The following ATF2 variants were observed in gnomAD, a reference collection of about 807,000 sequenced individuals.
The protein encoded by ATF2 is cyclic AMP-dependent transcription factor ATF-2.
A neutral mutation model predicts 60.6 loss-of-function variants in ATF2; 24 were observed. That is an observed-to-expected ratio of 0.40 (90% CI 0.29 to 0.56). The LOEUF is 0.56. ATF2 is among the 20% of genes least tolerant of loss of function. ATF2 has a pLI of 0.54. For synonymous variants in ATF2, 206 were observed against 215.4 expected, an observed-to-expected ratio of 0.96 and a Z score of 0.38; for missense variants, 433 against 607.7, an observed-to-expected ratio of 0.71 and a Z score of 3.02.
chr2:175,150,532 A>AAG (rs1699242204), intron 2 of ATF2, among the ~76,000 whole-genome samples: 1 of 152,174 alleles, frequency 6.6e-6, no homozygotes, highest in Non-Finnish European at 1.5e-5. Context: ...AGGTATGTAT[A>AAG]AGGGACTGTA....
At chr2:175,089,403 C>A (rs1283719827) in intron 12 of ATF2, among the ~76,000 whole-genome samples, 1 of 152,118 alleles carries the variant, frequency 6.6e-6, no homozygotes, top group Admixed American at 6.6e-5. Context: ...ACTTGTTAAA[C>A]CTTGTATTAC....
At chr2:175,094,011 G>C (rs1314053188) in intron 11 of ATF2, among the ~76,000 whole-genome samples, 1 of 152,136 alleles carries the variant, frequency 6.6e-6, no homozygotes, top group African/African-American at 2.4e-5. Flanking sequence ...ATATTGTCTA[G>C]TGTATAAGAC....
chr2:175,105,704 T>C (rs1242623904), intron 10 of ATF2, among the ~76,000 whole-genome samples: 1 of 152,176 alleles, frequency 6.6e-6, no homozygotes, highest in Non-Finnish European at 1.5e-5. Context: ...CATAGCAATA[T>C]CTACTGTTTC....
intron 12 of ATF2, among the ~76,000 whole-genome samples, chr2:175,086,421 G>A (rs958675879): frequency 1.3e-5 from 2 of 152,142 alleles, no homozygotes; most frequent in Non-Finnish European, 2.9e-5. Context: ...GATTAGTTGA[G>A]CTGTACAGCC....
intron 10 of ATF2, among the ~76,000 whole-genome samples, chr2:175,108,919 A>G (rs1460158983): frequency 6.6e-6 from 1 of 152,128 alleles, no homozygotes; most frequent in East Asian, 1.9e-4. Flanking sequence ...ACTCAGGGTT[A>G]AATGGATTAA....
At chr2:175,167,904 A>G (rs1400259564) in intron 1 of ATF2, 146 bp downstream of exon 1, 5 of 375,362 alleles carry the variant, frequency 1.3e-5, no homozygotes, top group Non-Finnish European at 2.8e-5. Context: ...CAATCGCCCC[A>G]AGGGCTAAGG....
intron 1 of ATF2, among the ~76,000 whole-genome samples, chr2:175,160,342 A>C (rs966362435): frequency 1.3e-5 from 2 of 152,166 alleles, no homozygotes; most frequent in Non-Finnish European, 2.9e-5. Context: ...CTACGACTGC[A>C]CCACCACACT....
chr2:175,141,084 T>TACACACACAC (rs150440606), intron 2 of ATF2, among the ~76,000 whole-genome samples: 45 of 133,614 alleles, frequency 3.4e-4, no homozygotes, highest in South Asian at 2.9e-3. Flanking sequence ...TATATATGTA[T>TACACACACAC]ACACACACAC....
At chr2:175,118,421 T>TA in intron 5 of ATF2, 52 bp from the exon 6 acceptor site, 1 of 1,424,502 alleles carries the variant, frequency 7.0e-7, no homozygotes. Flanking sequence ...GTTAAGACTC[T>TA]AAAATATAGC....
At chr2:175,154,592 A>G (rs996852996) in intron 1 of ATF2, among the ~76,000 whole-genome samples, 5 of 152,098 alleles carry the variant, frequency 3.3e-5, no homozygotes, top group African/African-American at 1.2e-4. Context: ...TAATTGTGCT[A>G]TTTTTTCCTT....
At chr2:175,108,334 C>A (rs1255075479) in intron 10 of ATF2, among the ~76,000 whole-genome samples, 1 of 151,288 alleles carries the variant, frequency 6.6e-6, no homozygotes, top group Admixed American at 6.6e-5. Flanking sequence ...GGGGTCAACC[C>A]CCGCCCGGCC....
chr2:175,121,317 G>A, intron 5 of ATF2, 127 bp downstream of exon 5: 2 of 485,922 alleles, frequency 4.1e-6, no homozygotes, highest in Non-Finnish European at 3.4e-6. Context: ...AATACATGTT[G>A]CCAACATTTA....
Position 175,109,168 on chromosome 2 carries a change from T to TAAAA in ATF2, c.828+2396_828+2399dup, listed in dbSNP as rs66812318. On this transcript the variant is annotated intron_variant, in intron 10 of 13. Transcript: ENST00000264110. ...GTGAGAAACACCCAAGAATGATCAA[T>TAAAA]AAAAAAAAAAAAAAAAAAAAAAAAA... Among the ~76,000 whole-genome samples, 262 of 82,356 alleles carry TAAAA rather than the reference T, an allele frequency of 3.2e-3. 1 individual carries two copies. The highest frequency in any genetic ancestry group is 6.1e-3 in the East Asian group (13 of 2,146). 54.0% of individuals were successfully genotyped at this position (82,356 alleles called of 152,430 possible).
At chr2:175,149,516 C>T (rs1037019287) in intron 2 of ATF2, among the ~76,000 whole-genome samples, 1 of 152,100 alleles carries the variant, frequency 6.6e-6, no homozygotes, top group Non-Finnish European at 1.5e-5. Flanking sequence ...CATAAGAAAA[C>T]TGGCAAAAAA....
intron 10 of ATF2, among the ~76,000 whole-genome samples, chr2:175,106,890 G>A (rs771003875): frequency 3.9e-5 from 6 of 152,150 alleles, no homozygotes; most frequent in East Asian, 1.9e-4. Context: ...GGCCCGGTGC[G>A]GTGACTCTCA....
At chr2:175,084,572 C>G (rs867014154) in intron 12 of ATF2, among the ~76,000 whole-genome samples, 28 of 148,738 alleles carry the variant, frequency 1.9e-4, no homozygotes, top group Middle Eastern at 3.2e-3. Flanking sequence ...TACAGCACAC[C>G]AGCATGGCAC....
At chr2:175,142,686 A>G (rs1311504055) in intron 2 of ATF2, among the ~76,000 whole-genome samples, 1 of 66,986 alleles carries the variant, frequency 1.5e-5, no homozygotes, top group African/African-American at 7.9e-5. Context: ...CGCTGCCGAA[A>G]GAGAGAGAGA....
intron 1 of ATF2, among the ~76,000 whole-genome samples, chr2:175,167,303 G>T (rs1186246220): frequency 6.6e-6 from 1 of 151,648 alleles, no homozygotes; most frequent in Non-Finnish European, 1.5e-5. Flanking sequence ...CATACGCTCT[G>T]CTGTCCACCC....
intron 2 of ATF2, among the ~76,000 whole-genome samples, chr2:175,149,279 G>T (rs1373040107): frequency 2.0e-5 from 3 of 152,116 alleles, no homozygotes; most frequent in African/African-American, 7.2e-5. Flanking sequence ...ATTGTTAAAG[G>T]TGGGGGCGGG....
Sources: gnomAD v4.1 joint callset for allele counts (sites outside exome capture counted in the v4.1 genomes callset) on GRCh38, gnomAD v4.1.1 for gene constraint, MANE v1.5 for transcripts, NCBI Gene and HGNC (gene_info 2026-07-23, HGNC 2026-07-21) for gene names.